Variants in RNGTT observed in about 807,000 individuals in gnomAD.
RNGTT encodes mRNA-capping enzyme.
RNGTT carries 33 observed loss-of-function variants against 79.3 expected under a neutral mutation model. That is an observed-to-expected ratio of 0.42 (90% CI 0.32 to 0.56). RNGTT has a LOEUF of 0.56. Ranked by LOEUF, RNGTT falls within the 20% of genes least tolerant of loss-of-function variation. RNGTT has a pLI of 0.17. For synonymous variants in RNGTT, 222 were observed against 235.9 expected, an observed-to-expected ratio of 0.94 and a Z score of 0.54; for missense variants, 497 against 739.1, an observed-to-expected ratio of 0.67 and a Z score of 3.80.
intron 13 of RNGTT, among the ~76,000 whole-genome samples, chr6:88,694,486 T>A (rs969502248): frequency 6.6e-5 from 10 of 150,918 alleles, no homozygotes; most frequent in Non-Finnish European, 1.3e-4. Context: ...GTTCATGGAT[T>A]AGAAGAATTA....
chr6:88,662,156 C>G (rs1774210858), intron 14 of RNGTT, among the ~76,000 whole-genome samples: 1 of 152,194 alleles, frequency 6.6e-6, no homozygotes, highest in African/African-American at 2.4e-5. Context: ...GGAAACACAC[C>G]TTTAAGGAAG....
intron 1 of RNGTT, among the ~76,000 whole-genome samples, chr6:88,963,132 A>G (rs776255639): frequency 1.3e-5 from 2 of 152,148 alleles, no homozygotes; most frequent in Non-Finnish European, 2.9e-5. Context: ...TCGCACAGTT[A>G]GCCTTGCAGG....
intron 13 of RNGTT, among the ~76,000 whole-genome samples, chr6:88,750,676 C>T (rs1490996598): frequency 6.6e-6 from 1 of 152,116 alleles, no homozygotes; most frequent in Non-Finnish European, 1.5e-5. Context: ...CTTCCATTAA[C>T]TCTAGTTATT....
At chr6:88,666,127 G>A (rs1774397718) in intron 14 of RNGTT, among the ~76,000 whole-genome samples, 1 of 152,114 alleles carries the variant, frequency 6.6e-6, no homozygotes, top group Non-Finnish European at 1.5e-5. Context: ...TTACAAAGGG[G>A]GGTGACATGG....
chr6:88,768,259 AC>A (rs1316959081), intron 13 of RNGTT, among the ~76,000 whole-genome samples: 1 of 151,492 alleles, frequency 6.6e-6, no homozygotes, highest in Admixed American at 6.6e-5. Context: ...ACAGGCATGC[AC>A]CACCATACCC....
At chr6:88,859,263 CATAATGCAGAATTCA>C (rs769698418) in intron 8 of RNGTT, among the ~76,000 whole-genome samples, 5 of 151,486 alleles carry the variant, frequency 3.3e-5, no homozygotes, top group Non-Finnish European at 5.9e-5. Flanking sequence ...AAACAGAAAC[CATAATGCAGAATTCA>C]AACCCAGGAG....
intron 11 of RNGTT, among the ~76,000 whole-genome samples, chr6:88,843,951 T>C (rs11963348): frequency 1.5e-5 from 2 of 129,424 alleles, no homozygotes; most frequent in African/African-American, 2.9e-5. Flanking sequence ...TATATATCTG[T>C]ATATATATAT....
At chr6:88,762,909 T>C (rs751846182) in intron 13 of RNGTT, among the ~76,000 whole-genome samples, 1 of 151,842 alleles carries the variant, frequency 6.6e-6, no homozygotes, top group Non-Finnish European at 1.5e-5. Context: ...TACAGTCGTC[T>C]AAATGAAAGG....
In RNGTT at chr6:88,615,067, A is replaced by C. The variant is rs1772168223; in HGVS notation, c.1507-672T>G. Among the ~76,000 whole-genome samples the C allele has an allele frequency of 2.6e-5, 4 of 152,342 alleles. No homozygotes were observed. The South Asian group carries it at 8.3e-4, about 32-fold the overall frequency. ...GAATATGGATACTCTATCAAAGCTA[A>C]CAAGTATCCATGGTAACTACGAACC... On this transcript the variant is annotated intron_variant, in intron 14 of 15. Transcript: ENST00000369485.
At chr6:88,814,538 ACTTTGATATCATTAAAC>A (rs1258883767) in intron 11 of RNGTT, among the ~76,000 whole-genome samples, 1 of 152,178 alleles carries the variant, frequency 6.6e-6, no homozygotes, top group African/African-American at 2.4e-5. Flanking sequence ...ATATTTATAT[ACTTTGATATCATTAAAC>A]CTTTGTTCAT....
chr6:88,945,986 A>C (rs1344762939), intron 1 of RNGTT, among the ~76,000 whole-genome samples: 1 of 152,224 alleles, frequency 6.6e-6, no homozygotes, highest in Non-Finnish European at 1.5e-5. Context: ...ATGAGCAAGA[A>C]ATATAGTTTG....
chr6:88,952,474 T>G (rs1268337419), intron 1 of RNGTT, among the ~76,000 whole-genome samples: 2 of 152,218 alleles, frequency 1.3e-5, no homozygotes, highest in Admixed American at 1.3e-4. Context: ...AGTGCTCTCT[T>G]GAAAGCACCA....
At chr6:88,913,139 A>T (rs1783881086) in intron 4 of RNGTT, among the ~76,000 whole-genome samples, 1 of 147,236 alleles carries the variant, frequency 6.8e-6, no homozygotes, top group Admixed American at 6.9e-5. Context: ...CAGGAGGCAG[A>T]GGTTGCAGTG....
intron 2 of RNGTT, 57 bp downstream of exon 2, chr6:88,941,014 G>T: frequency 9.9e-7 from 1 of 1,012,872 alleles, no homozygotes; most frequent in Non-Finnish European, 1.5e-6. Flanking sequence ...GCCACCTGAA[G>T]AACAAGACTG....
intron 4 of RNGTT, among the ~76,000 whole-genome samples, chr6:88,909,063 G>C (rs1268183227): frequency 6.6e-6 from 1 of 152,176 alleles, no homozygotes; most frequent in Non-Finnish European, 1.5e-5. Context: ...TTCACTCTCA[G>C]AATACAGAGA....
chr6:88,665,414 A>G (rs1010073590), intron 14 of RNGTT, among the ~76,000 whole-genome samples: 1 of 152,114 alleles, frequency 6.6e-6, no homozygotes, highest in African/African-American at 2.4e-5. Context: ...GTCAGTCTCC[A>G]TGGAACACCC....
chr6:88,823,768 T>G (rs1780570406), intron 11 of RNGTT, among the ~76,000 whole-genome samples: 1 of 152,176 alleles, frequency 6.6e-6, no homozygotes, highest in South Asian at 2.1e-4. Context: ...TTTCTGTATA[T>G]TTAAATTTTT....
chr6:88,652,771 T>C (rs1156647301), intron 14 of RNGTT, among the ~76,000 whole-genome samples: 1 of 152,130 alleles, frequency 6.6e-6, no homozygotes, highest in East Asian at 1.9e-4. Context: ...GTCTGGAGCT[T>C]TCCTAAATGC....
chr6:88,768,763 A>G (rs1272787193), intron 13 of RNGTT, among the ~76,000 whole-genome samples: 2 of 152,238 alleles, frequency 1.3e-5, no homozygotes, highest in African/African-American at 2.4e-5. Flanking sequence ...TTAAAAAGTT[A>G]TAGAACAAAA....
Sources: gnomAD v4.1 joint callset for allele counts (sites outside exome capture counted in the v4.1 genomes callset) on GRCh38, gnomAD v4.1.1 for gene constraint, MANE v1.5 for transcripts, NCBI Gene and HGNC (gene_info 2026-07-23, HGNC 2026-07-21) for gene names.